Variants in SPECC1L observed in about 807,000 individuals in gnomAD.
The protein encoded by SPECC1L is cytospin-A.
Under a neutral mutation model 116.8 loss-of-function variants are expected in SPECC1L, and 40 were observed. That is an observed-to-expected ratio of 0.34 (90% confidence interval 0.27 to 0.45). The LOEUF is 0.45. SPECC1L is among the 20% of genes least tolerant of loss of function. SPECC1L has a pLI of 1.00. For missense variants in SPECC1L, 1,110 were observed against 1,373.6 expected (o/e 0.81, Z 3.03); for synonymous variants, 504 against 500.6 (o/e 1.01, Z -0.09).
rs201015970 is a variant in SPECC1L, at chr22:24,314,376, CAT to C, written c.307+912_307+913del. On this transcript the variant is annotated intron_variant, in intron 4 of 16. Coordinates refer to ENST00000314328, the MANE Select transcript of SPECC1L (RefSeq NM_015330.6). ...AGAAGGATTCTTTTAAAAATATAAT[CAT>C]AATACCATTATCAGTCCTTGAAATA... Among the ~76,000 whole-genome samples, 1,062 of 152,334 alleles carry C rather than the reference CAT, an allele frequency of 7.0e-3. 3 individuals carry two copies. The highest frequency in any genetic ancestry group is 0.01 in the Non-Finnish European group (696 of 68,036).
chr22:24,282,423 G>A (rs2146340325), intron 2 of SPECC1L, among the ~76,000 whole-genome samples: 1 of 152,326 alleles, frequency 6.6e-6, no homozygotes, highest in African/African-American at 2.4e-5. Flanking sequence ...CCAGGAATGA[G>A]CAAGGACAAC....
At chr22:24,302,870 A>T (rs564440082) in intron 3 of SPECC1L, among the ~76,000 whole-genome samples, 1 of 152,122 alleles carries the variant, frequency 6.6e-6, no homozygotes, top group Non-Finnish European at 1.5e-5. Flanking sequence ...AGGTGTTTTT[A>T]TCTGCCTGTC....
chr22:24,329,929 T>G (rs1184067804), intron 7 of SPECC1L, among the ~76,000 whole-genome samples: 11 of 152,218 alleles, frequency 7.2e-5, no homozygotes, highest in Non-Finnish European at 1.2e-4. Context: ...TGGATGATGT[T>G]TATTTTCATA....
chr22:24,319,625 C>T (rs1443311334), intron 4 of SPECC1L, among the ~76,000 whole-genome samples: 2 of 152,200 alleles, frequency 1.3e-5, no homozygotes, highest in Non-Finnish European at 2.9e-5. Context: ...TTTTGGGACT[C>T]TATATGAACA....
At chr22:24,303,222 T>C (rs1201628051) in intron 3 of SPECC1L, among the ~76,000 whole-genome samples, 1 of 152,218 alleles carries the variant, frequency 6.6e-6, no homozygotes, top group South Asian at 2.1e-4. Context: ...CTTCCTTATA[T>C]GTGTAGAAAG....
intron 14 of SPECC1L, among the ~76,000 whole-genome samples, chr22:24,373,761 G>A (rs8137395): frequency 1.3e-5 from 2 of 151,938 alleles, no homozygotes; most frequent in African/African-American, 2.4e-5. Context: ...CAACAAAAGC[G>A]AAAATTGACA....
In SPECC1L at chr22:24,322,804, C is replaced by G; in HGVS notation, c.1824C>G (p.Leu608=). ...NSGDKSDIQD[L]LESVRLDKEK... is the part of the protein sequence containing the mutation. ...GAGACAAATCTGATATTCAGGACCT[C>G]CTGGAGAGTGTCAGGCTGGACAAAG... is the stretch of plus-strand genomic sequence containing the variant. The change falls in exon 5 of 17, where the codon CTC becomes CTG. Residue 608 remains leucine, a synonymous_variant. Coordinates refer to ENST00000314328, the MANE Select transcript of SPECC1L (RefSeq NM_015330.6). 1.2e-6 allele frequency: 2 copies of G among 1,602,392 alleles called. No homozygotes were observed. Among genetic ancestry groups the G allele is most frequent in the Non-Finnish European group, 8.5e-7 (1 of 1,174,738 alleles).
rs140599481 is a variant in SPECC1L at position 24,367,290 on chromosome 22, C to G, written c.2984+1658C>G. Among the ~76,000 whole-genome samples the G allele has an allele frequency of 4.1e-3, 619 of 152,336 alleles. 8 individuals carry two copies. Among genetic ancestry groups the G allele is most frequent in the African/African-American group, 0.014 (578 of 41,578 alleles). ...TCCATTCACATAACTGTGTCTTTCT[C>G]TTTCCCTGTGGTTTAGTGATAGTAT... On this transcript the variant is annotated intron_variant, in intron 13 of 16. Coordinates refer to ENST00000314328, the MANE Select transcript of SPECC1L (RefSeq NM_015330.6).
intron 9 of SPECC1L, among the ~76,000 whole-genome samples, chr22:24,335,474 C>G (rs2041033937): frequency 6.6e-6 from 1 of 152,210 alleles, no homozygotes; most frequent in South Asian, 2.1e-4. Context: ...AAGGCTTACT[C>G]TTCCCACTTT....
At chr22:24,344,986 A>G (rs1212171730) in intron 10 of SPECC1L, among the ~76,000 whole-genome samples, 1 of 152,226 alleles carries the variant, frequency 6.6e-6, no homozygotes. Flanking sequence ...AATACCAATT[A>G]AAAGAGCAGT....
intron 3 of SPECC1L, among the ~76,000 whole-genome samples, chr22:24,304,941 T>A (rs1205302858): frequency 6.6e-6 from 1 of 152,236 alleles, no homozygotes; most frequent in Non-Finnish European, 1.5e-5. Context: ...ACCAAATTAT[T>A]TGCATTTTGC....
intron 12 of SPECC1L, among the ~76,000 whole-genome samples, chr22:24,364,900 G>A (rs931907286): frequency 2.6e-5 from 4 of 152,120 alleles, no homozygotes; most frequent in Non-Finnish European, 5.9e-5. Context: ...TATGTGCTTG[G>A]TAGGTACTGT....
intron 14 of SPECC1L, among the ~76,000 whole-genome samples, chr22:24,401,477 C>T (rs2042472467): frequency 6.6e-6 from 1 of 152,242 alleles, no homozygotes; most frequent in Admixed American, 6.5e-5. Context: ...CGAGGTCAGT[C>T]ATTCTGGGTA....
At chr22:24,383,210 C>G (rs2042094095) in intron 14 of SPECC1L, among the ~76,000 whole-genome samples, 2 of 152,200 alleles carry the variant, frequency 1.3e-5, no homozygotes, top group South Asian at 4.1e-4. Context: ...GTGATCAGCC[C>G]TTATTCTAGT....
chr22:24,412,825 A>C, intron 16 of SPECC1L, 118 bp downstream of exon 16: 1 of 1,094,454 alleles, frequency 9.1e-7, no homozygotes, highest in Non-Finnish European at 1.4e-6. Context: ...GGTAAAAGGC[A>C]GCTATGGGGT....
At chr22:24,316,047 A>T (rs981938158) in intron 4 of SPECC1L, among the ~76,000 whole-genome samples, 5 of 152,208 alleles carry the variant, frequency 3.3e-5, no homozygotes, top group African/African-American at 4.8e-5. Flanking sequence ...TAGGGCTTCA[A>T]CATATTAATT....
chr22:24,272,313 C>T (rs2048743090), intron 1 of SPECC1L, among the ~76,000 whole-genome samples: 1 of 152,160 alleles, frequency 6.6e-6, no homozygotes, highest in South Asian at 2.1e-4. Context: ...TGCAGTGAGC[C>T]GAGTTCGCGC....
intron 2 of SPECC1L, among the ~76,000 whole-genome samples, chr22:24,293,488 TA>T (rs2049197524): frequency 1.3e-5 from 2 of 152,044 alleles, no homozygotes; most frequent in Non-Finnish European, 2.9e-5. Flanking sequence ...AAGAGAACAG[TA>T]GCTTAGCAGC....
chr22:24,365,371 TG>T, intron 12 of SPECC1L, 104 bp from the exon 13 acceptor site: 1 of 1,048,448 alleles, frequency 9.5e-7, no homozygotes, highest in Non-Finnish European at 1.4e-6. Context: ...TTTTTCCTCC[TG>T]TATGGTAATA....
Sources: allele counts gnomAD v4.1 joint callset (sites outside exome capture counted in the v4.1 genomes callset), GRCh38; gene constraint gnomAD v4.1.1; transcripts MANE v1.5; gene names NCBI Gene and HGNC (gene_info 2026-07-23, HGNC 2026-07-21).